SGMS1: variants seen among roughly 807,000 people sequenced by gnomAD.
SGMS1 encodes the protein phosphatidylcholine:ceramide cholinephosphotransferase 1.
In SGMS1, 13 loss-of-function variants were observed where a neutral mutation model predicts 46.2. The ratio of observed to expected loss-of-function variants is 0.28; its 90% CI spans 0.18 to 0.45. The LOEUF (loss-of-function observed/expected upper bound fraction) is 0.45. Among genes scored for constraint, SGMS1 ranks in the 20% least tolerant of loss-of-function variants. The pLI, the probability that SGMS1 is intolerant of heterozygous loss-of-function variation, is 1.00. For synonymous variants in SGMS1, 203 were observed against 187.8 expected (o/e 1.08, Z -0.66); for missense variants, 324 against 519.9 (o/e 0.62, Z 3.66).
At chr10:50,394,291 C>T (rs1163278989) in intron 6 of SGMS1, among the ~76,000 whole-genome samples, 1 of 152,170 alleles carries the variant, frequency 6.6e-6, no homozygotes, top group African/African-American at 2.4e-5. Flanking sequence ...GCGTTTGTGT[C>T]GTGTTTCCTA....
At chr10:50,575,916 T>C (rs749077824) in intron 2 of SGMS1, among the ~76,000 whole-genome samples, 1 of 149,876 alleles carries the variant, frequency 6.7e-6, no homozygotes, top group Non-Finnish European at 1.5e-5. Flanking sequence ...TGTTAACACA[T>C]GTTTCTGATC....
At chr10:50,566,220 T>C (rs893139315) in intron 2 of SGMS1, among the ~76,000 whole-genome samples, 3 of 151,990 alleles carry the variant, frequency 2.0e-5, no homozygotes, top group Non-Finnish European at 4.4e-5. Context: ...AGTGGTAACT[T>C]AGAAAACAAA....
At chr10:50,449,851 G>C (rs1588832810) in intron 5 of SGMS1, among the ~76,000 whole-genome samples, 1 of 41,000 alleles carries the variant, frequency 2.4e-5, no homozygotes, top group South Asian at 5.8e-4. Context: ...ACACGTGTTG[G>C]TTGTTCTTTT....
At position 50,480,778 on chromosome 10, in the gene SGMS1, C is replaced by T. The variant is rs115610729; in HGVS notation, c.-497-13846G>A. On this transcript the variant is annotated intron_variant, in intron 3 of 10. Coordinates refer to ENST00000361781, the MANE Select transcript of SGMS1 (RefSeq NM_147156.4). ...AGATGACTGAGTTCCTGTCGGGGGGCGGGGGCAGCCACCATCACTGAGGCC... is the reference window on the plus strand; with the variant it reads ...AGATGACTGAGTTCCTGTCGGGGGGTGGGGGCAGCCACCATCACTGAGGCC... Among the ~76,000 whole-genome samples, 364 of 152,172 alleles carry T rather than the reference C, an allele frequency of 2.4e-3. 3 individuals carry two copies. The highest frequency in any genetic ancestry group is 8.3e-3 in the African/African-American group (345 of 41,532).
At chr10:50,475,108 A>G (rs1285677936) in intron 3 of SGMS1, among the ~76,000 whole-genome samples, 1 of 152,212 alleles carries the variant, frequency 6.6e-6, no homozygotes, top group Non-Finnish European at 1.5e-5. Flanking sequence ...AAGGCTATGC[A>G]CTTTTGACTA....
At chr10:50,324,673 A>G (rs749538212) in intron 8 of SGMS1, among the ~76,000 whole-genome samples, 10 of 152,224 alleles carry the variant, frequency 6.6e-5, no homozygotes, top group Non-Finnish European at 1.2e-4. Context: ...AAGTCTTTCT[A>G]TTCCACCTGG....
intron 6 of SGMS1, among the ~76,000 whole-genome samples, chr10:50,374,724 A>C (rs1285684012): frequency 6.6e-6 from 1 of 151,528 alleles, no homozygotes; most frequent in African/African-American, 2.4e-5. Flanking sequence ...GCCTCTCCCC[A>C]CTTGCCCATT....
chr10:50,624,033 T>G (rs1838886167), upstream of SGMS1: 17 of 985,268 alleles, frequency 1.7e-5, no homozygotes, highest in Non-Finnish European at 1.9e-5. Flanking sequence ...GGGTGTTCAC[T>G]GCGGCCGGGG....
intron 5 of SGMS1, among the ~76,000 whole-genome samples, chr10:50,453,469 C>T (rs377333723): frequency 4.0e-5 from 6 of 150,838 alleles, no homozygotes; most frequent in East Asian, 2.0e-4. Context: ...TCATCAAGGA[C>T]GGCTTAAACA....
At chr10:50,364,667 A>C (rs557761311) in intron 6 of SGMS1, among the ~76,000 whole-genome samples, 1 of 152,336 alleles carries the variant, frequency 6.6e-6, no homozygotes, top group East Asian at 1.9e-4. Flanking sequence ...GAGAACAATA[A>C]CACCATAAAC....
chr10:50,507,002 C>T (rs1325661531), intron 3 of SGMS1, among the ~76,000 whole-genome samples: 1 of 152,178 alleles, frequency 6.6e-6, no homozygotes, highest in Non-Finnish European at 1.5e-5. Flanking sequence ...CCAAATGCAC[C>T]CAGAATGCTG....
intron 6 of SGMS1, among the ~76,000 whole-genome samples, chr10:50,396,426 C>T (rs544802482): frequency 6.6e-6 from 1 of 152,094 alleles, no homozygotes; most frequent in Non-Finnish European, 1.5e-5. Context: ...TAAATGCCTC[C>T]AGTTCAAGAG....
At chr10:50,368,752 T>C (rs1162253964) in intron 6 of SGMS1, among the ~76,000 whole-genome samples, 3 of 152,220 alleles carry the variant, frequency 2.0e-5, no homozygotes, top group Admixed American at 6.5e-5. Context: ...ACCACTGAAC[T>C]GTAAAGAAAT....
chr10:50,420,413 G>A (rs374608401), intron 6 of SGMS1, among the ~76,000 whole-genome samples: 14 of 152,278 alleles, frequency 9.2e-5, no homozygotes, highest in African/African-American at 2.9e-4. Flanking sequence ...TCCAGCAGGC[G>A]GGCCCCTCCC....
chr10:50,507,413 C>G (rs1356713476), intron 3 of SGMS1, among the ~76,000 whole-genome samples: 1 of 152,182 alleles, frequency 6.6e-6, no homozygotes. Flanking sequence ...ACACCAAGGT[C>G]CTGGGCTCAG....
chr10:50,536,774 G>T (rs1244674846), intron 2 of SGMS1, among the ~76,000 whole-genome samples: 1 of 152,050 alleles, frequency 6.6e-6, no homozygotes, highest in Non-Finnish European at 1.5e-5. Context: ...TGAAAAATAT[G>T]AAAAACATGC....
intron 4 of SGMS1, among the ~76,000 whole-genome samples, chr10:50,461,367 G>A (rs909232331): frequency 2.0e-5 from 3 of 151,966 alleles, no homozygotes; most frequent in Non-Finnish European, 4.4e-5. Context: ...CAGGAAGCTA[G>A]AGATAATGTC....
At chr10:50,563,843 C>T (rs1199605929) in intron 2 of SGMS1, among the ~76,000 whole-genome samples, 3 of 152,038 alleles carry the variant, frequency 2.0e-5, no homozygotes, top group South Asian at 2.1e-4. Flanking sequence ...AATCCACAGG[C>T]CCAGGGTTTC....
chr10:50,389,716 A>G (rs1037084199), intron 6 of SGMS1, among the ~76,000 whole-genome samples: 3 of 152,200 alleles, frequency 2.0e-5, no homozygotes, highest in South Asian at 2.1e-4. Context: ...CCCCCTGACC[A>G]TAACTGGCTA....
Sources: allele counts gnomAD v4.1 joint callset (sites outside exome capture counted in the v4.1 genomes callset), GRCh38; gene constraint gnomAD v4.1.1; transcripts MANE v1.5; gene names NCBI Gene and HGNC (gene_info 2026-07-23, HGNC 2026-07-21).